SPPL3: variants seen among roughly 807,000 people sequenced by gnomAD.
The protein encoded by SPPL3 is signal peptide peptidase like 3.
In SPPL3, 5 loss-of-function variants were observed where a neutral mutation model predicts 42.4. The ratio of observed to expected loss-of-function variants is 0.12; its 90% CI spans 0.06 to 0.25. The LOEUF (loss-of-function observed/expected upper bound fraction) is 0.25, where lower values mean the gene tolerates loss of function less well. Among genes scored for constraint, SPPL3 ranks in the 10% least tolerant of loss-of-function variants. The pLI is 1.00. For synonymous variants in SPPL3, 195 were observed against 181.8 expected (o/e 1.07, Z -0.58); for missense variants, 235 against 489.0 (o/e 0.48, Z 4.90).
At chr12:120,771,341 CCACGCCGCCGCTTCAGT>C (rs1445250563) in intron 6 of SPPL3, among the ~76,000 whole-genome samples, 2 of 152,290 alleles carry the variant, frequency 1.3e-5, no homozygotes, top group African/African-American at 2.4e-5. Context: ...GCCGCTTCGG[CCACGCCGCCGCTTCAGT>C]GCTCTGCATT....
intron 1 of SPPL3, among the ~76,000 whole-genome samples, chr12:120,884,379 C>T (rs536414210): frequency 2.6e-5 from 4 of 152,010 alleles, no homozygotes; most frequent in Non-Finnish European, 5.9e-5. Context: ...ACAGTATAAA[C>T]CTGTTCCTGC....
chr12:120,871,825 A>G (rs513940), intron 1 of SPPL3, among the ~76,000 whole-genome samples: 137,154 of 152,170 alleles, frequency 0.9, 62,679 homozygotes, highest in East Asian at 1. Context: ...ACTTTAAATC[A>G]TCTCTACATT....
intron 1 of SPPL3, among the ~76,000 whole-genome samples, chr12:120,840,303 A>AG (rs58652876): frequency 1.4e-5 from 2 of 143,176 alleles, no homozygotes; most frequent in Non-Finnish European, 3.0e-5. Flanking sequence ...AAAAAAAAAA[A>AG]GCAGTAAAAT....
chr12:120,764,691 T>G lies in SPPL3; in HGVS notation c.*308A>C. 1 of 398,766 alleles carries G rather than the reference T, an allele frequency of 2.5e-6. No individual in the cohort carries two copies. Among genetic ancestry groups the G allele is most frequent in the Non-Finnish European group, 4.4e-6 (1 of 226,474 alleles). 24.7% of individuals were successfully genotyped at this position (398,766 alleles called of 1,614,324 possible). ...TTTTCAGTTTTTAAACAGTCAAATC[T>G]CCATCTCCCCCAGAAGGTAACAGTC... On this transcript the variant is annotated 3_prime_UTR_variant, in exon 11 of 11. Coordinates refer to ENST00000353487, the MANE Select transcript of SPPL3 (RefSeq NM_139015.5).
intron 6 of SPPL3, among the ~76,000 whole-genome samples, chr12:120,774,934 T>C (rs1869258545): frequency 6.6e-6 from 1 of 152,116 alleles, no homozygotes; most frequent in South Asian, 2.1e-4. Flanking sequence ...GCCATTTAGC[T>C]AGAGTTATTT....
intron 6 of SPPL3, among the ~76,000 whole-genome samples, chr12:120,775,108 T>C (rs1278877924): frequency 6.6e-6 from 1 of 152,112 alleles, no homozygotes; most frequent in Admixed American, 6.6e-5. Flanking sequence ...TCTCTAGATA[T>C]CTATGCCCTA....
chr12:120,786,145 A>G (rs1869714695), intron 3 of SPPL3, among the ~76,000 whole-genome samples: 1 of 152,242 alleles, frequency 6.6e-6, no homozygotes. Context: ...TAATTCACTT[A>G]GGAATAGGAC....
At chr12:120,814,914 C>G (rs994313292) in intron 1 of SPPL3, among the ~76,000 whole-genome samples, 3 of 152,170 alleles carry the variant, frequency 2.0e-5, no homozygotes, top group African/African-American at 7.2e-5. Flanking sequence ...ATGTGGAGAA[C>G]TTCCTTTTTA....
intron 1 of SPPL3, among the ~76,000 whole-genome samples, chr12:120,865,223 C>T (rs1285278514): frequency 1.3e-5 from 2 of 152,184 alleles, no homozygotes; most frequent in African/African-American, 4.8e-5. Flanking sequence ...CTCTGACACC[C>T]TCCCACATGA....
chr12:120,857,625 T>A (rs944810688), intron 1 of SPPL3, among the ~76,000 whole-genome samples: 1 of 152,158 alleles, frequency 6.6e-6, no homozygotes, highest in East Asian at 1.9e-4. Flanking sequence ...ACATATACAC[T>A]ACTATGCAGC....
intron 10 of SPPL3, 131 bp downstream of exon 10, chr12:120,766,132 A>T: frequency 1.7e-6 from 1 of 576,370 alleles, no homozygotes; most frequent in Non-Finnish European, 2.9e-6. Context: ...ACACACACAC[A>T]CACACACACA....
intron 6 of SPPL3, among the ~76,000 whole-genome samples, chr12:120,777,734 G>A (rs1869375300): frequency 6.6e-6 from 1 of 152,206 alleles, no homozygotes; most frequent in African/African-American, 2.4e-5. Context: ...GGGAAATCAG[G>A]TCTGGTAGCC....
chr12:120,866,486 C>T (rs1872757988), intron 1 of SPPL3, among the ~76,000 whole-genome samples: 1 of 151,384 alleles, frequency 6.6e-6, no homozygotes, highest in South Asian at 2.1e-4. Context: ...AAGTCATTTT[C>T]TGAATTAACT....
At chr12:120,830,607 A>AGAGAGAGAGAGAGAGAGAGAGAGAGAG (rs1555251066) in intron 1 of SPPL3, among the ~76,000 whole-genome samples, 2 of 39,970 alleles carry the variant, frequency 5.0e-5, no homozygotes, top group Admixed American at 3.3e-4. Context: ...GAGAGAGAGA[A>AGAGAGAGAGAGAGAGAGAGAGAGAGAG]GGTGTACATG....
chr12:120,800,686 G>T (rs111724304), intron 2 of SPPL3, among the ~76,000 whole-genome samples: 8 of 151,868 alleles, frequency 5.3e-5, no homozygotes, highest in Admixed American at 5.2e-4. Flanking sequence ...TGACTGAACA[G>T]GAAGTAGTTA....
At position 120,763,969 on chromosome 12, in the gene SPPL3, T is replaced by C. The variant is rs1178139389; in HGVS notation, c.*1030A>G. ...AGCACAAAGACACCTGCTGCTATAA[T>C]ACATGCATTGGCTCGAGAAGAAACT... On this transcript the variant is annotated 3_prime_UTR_variant, in exon 11 of 11. Transcript: ENST00000353487. The C allele has an allele frequency of 4.6e-5, 7 of 152,458 alleles. No homozygotes were observed. The highest frequency in any genetic ancestry group is 1.3e-4 in the Admixed American group (2 of 15,276). 9.4% of individuals were successfully genotyped at this position (152,458 alleles called of 1,614,324 possible).
intron 1 of SPPL3, among the ~76,000 whole-genome samples, chr12:120,868,572 C>T (rs1872830424): frequency 6.6e-6 from 1 of 152,208 alleles, no homozygotes; most frequent in Non-Finnish European, 1.5e-5. Flanking sequence ...ACCTCCACCT[C>T]CTGGGTTCAA....
intron 1 of SPPL3, among the ~76,000 whole-genome samples, chr12:120,874,191 G>A (rs769876977): frequency 1.7e-4 from 26 of 152,158 alleles, no homozygotes; most frequent in Non-Finnish European, 2.6e-4. Context: ...GGTGGCTCAC[G>A]CCTGTAATCC....
Position 120,871,130 on chromosome 12 carries a change from CAA to C in SPPL3, c.23+32713_23+32714del, listed in dbSNP as rs71453512. Among the ~76,000 whole-genome samples, 75 of 51,714 alleles carry C rather than the reference CAA, an allele frequency of 1.5e-3. 1 individual carries two copies. The highest frequency in any genetic ancestry group is 3.2e-3 in the African/African-American group (51 of 16,166). The allele number at this position is 51,714 out of a possible 152,430, so 33.9% of individuals were successfully genotyped here. ...GGGCGACAGAGTGAGACTCCGTCTC[CAA>C]AAAAAAAAAAAAAAAAAGAAAAAGT... On this transcript the variant is annotated intron_variant, in intron 1 of 10. Coordinates refer to ENST00000353487, the MANE Select transcript of SPPL3 (RefSeq NM_139015.5).
Sources: allele counts gnomAD v4.1 joint callset (sites outside exome capture counted in the v4.1 genomes callset), GRCh38; gene constraint gnomAD v4.1.1; transcripts MANE v1.5; gene names NCBI Gene and HGNC (gene_info 2026-07-23, HGNC 2026-07-21).